The following NRG3 variants were observed in gnomAD, a reference collection of about 807,000 sequenced individuals.
The protein encoded by NRG3 is pro-neuregulin-3, membrane-bound isoform.
NRG3 carries 31 observed loss-of-function variants against 66.9 expected under a neutral mutation model. The observed-to-expected ratio is 0.46, with a 90% CI of 0.35 to 0.63. The LOEUF (loss-of-function observed/expected upper bound fraction) is 0.63, where lower values mean the gene tolerates loss of function less well. Ranked by LOEUF, NRG3 falls within the 20% of genes least tolerant of loss-of-function variation. The pLI, the probability that NRG3 is intolerant of heterozygous loss-of-function variation, is 0.00. For missense variants in NRG3, 910 were observed against 878.9 expected, an observed-to-expected ratio of 1.04 and a Z score of -0.45; for synonymous variants, 393 against 359.4, an observed-to-expected ratio of 1.09 and a Z score of -1.06.
intron 1 of NRG3, among the ~76,000 whole-genome samples, chr10:82,313,475 T>A (rs770536185): frequency 1.3e-5 from 2 of 152,222 alleles, no homozygotes; most frequent in Non-Finnish European, 1.5e-5. Flanking sequence ...ATTAGTCCTA[T>A]GCTTTAAGGC....
chr10:82,969,810 C>T (rs190249967), intron 6 of NRG3, among the ~76,000 whole-genome samples: 16 of 152,228 alleles, frequency 1.1e-4, no homozygotes, highest in Admixed American at 2.6e-4. Context: ...TAAGTAATTG[C>T]GTGAGAAACA....
At chr10:82,818,562 C>T (rs2061813541) in intron 3 of NRG3, among the ~76,000 whole-genome samples, 1 of 152,150 alleles carries the variant, frequency 6.6e-6, no homozygotes, top group Non-Finnish European at 1.5e-5. Flanking sequence ...GAACCTGGGA[C>T]TTTTAAATTT....
intron 1 of NRG3, among the ~76,000 whole-genome samples, chr10:82,111,190 AC>A (rs1410785320): frequency 6.6e-6 from 1 of 152,154 alleles, no homozygotes; most frequent in Non-Finnish European, 1.5e-5. Flanking sequence ...TTTGGTCTGA[AC>A]CCCAGACTTT....
At chr10:82,969,125 A>G (rs892743157) in intron 6 of NRG3, among the ~76,000 whole-genome samples, 1 of 152,198 alleles carries the variant, frequency 6.6e-6, no homozygotes, top group Non-Finnish European at 1.5e-5. Context: ...GTGGGGACAC[A>G]GCCAAACCAT....
chr10:82,841,866 AG>A (rs750235474), intron 3 of NRG3, among the ~76,000 whole-genome samples: 7 of 152,182 alleles, frequency 4.6e-5, no homozygotes, highest in Non-Finnish European at 8.8e-5. Context: ...ACCCAACAAA[AG>A]TTTATTTCTT....
At chr10:82,434,424 T>C in intron 2 of NRG3, among the ~76,000 whole-genome samples, 1 of 152,064 alleles carries the variant, frequency 6.6e-6, no homozygotes, top group Admixed American at 6.6e-5. Flanking sequence ...TCTGTTCCTA[T>C]TCGAATACTC....
chr10:82,944,701 G>A (rs1376466187), intron 4 of NRG3, among the ~76,000 whole-genome samples: 5 of 151,936 alleles, frequency 3.3e-5, no homozygotes, highest in Admixed American at 3.3e-4. Flanking sequence ...TATTTTTTAG[G>A]TTTACTTTCT....
At chr10:82,465,721 AG>A (rs1315709231) in intron 2 of NRG3, among the ~76,000 whole-genome samples, 1 of 152,178 alleles carries the variant, frequency 6.6e-6, no homozygotes, top group Non-Finnish European at 1.5e-5. Flanking sequence ...TAGTAGGGAA[AG>A]CATGATGTCA....
intron 1 of NRG3, among the ~76,000 whole-genome samples, chr10:82,256,249 A>T (rs1415178037): frequency 2.6e-5 from 4 of 152,106 alleles, no homozygotes; most frequent in Non-Finnish European, 4.4e-5. Context: ...TAAACATGAA[A>T]TCTACTTTAA....
intron 1 of NRG3, among the ~76,000 whole-genome samples, chr10:82,155,616 T>A (rs757573639): frequency 1.3e-4 from 20 of 151,800 alleles, no homozygotes; most frequent in Non-Finnish European, 2.4e-4. Context: ...ATTTGATATT[T>A]ATGATGGTAG....
At chr10:82,940,872 T>G (rs1043686393) in intron 4 of NRG3, among the ~76,000 whole-genome samples, 3 of 152,152 alleles carry the variant, frequency 2.0e-5, no homozygotes, top group African/African-American at 7.2e-5. Flanking sequence ...TACTAACATA[T>G]GCATTTTGGG....
chr10:81,911,498 T>G (rs1377949458), intron 1 of NRG3, among the ~76,000 whole-genome samples: 1 of 152,034 alleles, frequency 6.6e-6, no homozygotes, highest in Non-Finnish European at 1.5e-5. Context: ...CAGTGTCACT[T>G]GCTTTTGGTT....
chr10:82,374,790 C>T (rs2085108791), intron 2 of NRG3, among the ~76,000 whole-genome samples: 2 of 152,192 alleles, frequency 1.3e-5, no homozygotes, highest in Admixed American at 1.3e-4. Flanking sequence ...AATTCTGCCA[C>T]TACCACACAC....
At chr10:82,454,433 C>T (rs533156825) in intron 2 of NRG3, among the ~76,000 whole-genome samples, 6 of 151,982 alleles carry the variant, frequency 3.9e-5, no homozygotes, top group African/African-American at 1.4e-4. Context: ...ATATGCTACA[C>T]TCGTGTTCAA....
chr10:82,744,643 A>G (rs2058568311), intron 3 of NRG3, among the ~76,000 whole-genome samples: 2 of 152,206 alleles, frequency 1.3e-5, no homozygotes, highest in Non-Finnish European at 2.9e-5. Context: ...GTTTATTGAC[A>G]TTGAATTACA....
chr10:82,076,041 G>T (rs937554679), intron 1 of NRG3, among the ~76,000 whole-genome samples: 1 of 152,124 alleles, frequency 6.6e-6, no homozygotes, highest in East Asian at 1.9e-4. Context: ...AACGATAGGG[G>T]TCCATATCAC....
intron 1 of NRG3, among the ~76,000 whole-genome samples, chr10:81,996,391 AT>A (rs1310990058): frequency 1.3e-5 from 2 of 152,144 alleles, no homozygotes; most frequent in Non-Finnish European, 2.9e-5. Flanking sequence ...ATGGAGCTCT[AT>A]TTACCCCCAT....
At chr10:82,326,110 T>A (rs887463647) in intron 1 of NRG3, among the ~76,000 whole-genome samples, 2 of 152,202 alleles carry the variant, frequency 1.3e-5, no homozygotes, top group Non-Finnish European at 2.9e-5. Flanking sequence ...TGTAGCCCTA[T>A]AAATGGCTTT....
At chr10:82,950,150 C>T (rs373792901) in intron 4 of NRG3, among the ~76,000 whole-genome samples, 3 of 152,040 alleles carry the variant, frequency 2.0e-5, no homozygotes, top group East Asian at 3.9e-4. Flanking sequence ...TTATTAGGCT[C>T]CAAGGTGACT....
Sources: allele counts gnomAD v4.1 joint callset (sites outside exome capture counted in the v4.1 genomes callset), GRCh38; gene constraint gnomAD v4.1.1; transcripts MANE v1.5; gene names NCBI Gene and HGNC (gene_info 2026-07-23, HGNC 2026-07-21).